SPOCK1: variants seen among roughly 807,000 people sequenced by gnomAD.
The protein encoded by SPOCK1 is SPARC (osteonectin), cwcv and kazal like domains proteoglycan 1, also known as testican-1.
In SPOCK1, 23 loss-of-function variants were observed where a neutral mutation model predicts 55.3. The ratio of observed to expected loss-of-function variants is 0.42; its 90% CI spans 0.30 to 0.59. SPOCK1 has a LOEUF of 0.59. SPOCK1 is among the 20% of genes least tolerant of loss of function. SPOCK1 has a pLI of 0.22. For missense variants in SPOCK1, 499 were observed against 552.5 expected (o/e 0.90, Z 0.97); for synonymous variants, 226 against 221.0 (o/e 1.02, Z -0.20).
intron 2 of SPOCK1, among the ~76,000 whole-genome samples, chr5:137,381,556 C>T (rs1751465758): frequency 6.6e-6 from 1 of 152,224 alleles, no homozygotes; most frequent in Admixed American, 6.5e-5. Flanking sequence ...TTGTCTTCTG[C>T]ACACCCACAA....
At chr5:137,165,555 T>C (rs947291606) in intron 3 of SPOCK1, among the ~76,000 whole-genome samples, 5 of 152,058 alleles carry the variant, frequency 3.3e-5, no homozygotes, top group African/African-American at 1.2e-4. Context: ...AACACGACCT[T>C]ACCAAATGAA....
intron 2 of SPOCK1, among the ~76,000 whole-genome samples, chr5:137,382,921 A>C (rs1012914548): frequency 1.3e-5 from 2 of 152,226 alleles, no homozygotes. Flanking sequence ...GGACTGGTTA[A>C]AATGATGAAA....
intron 9 of SPOCK1, among the ~76,000 whole-genome samples, chr5:136,980,095 T>C (rs1750700041): frequency 1.3e-5 from 2 of 151,552 alleles, no homozygotes; most frequent in South Asian, 2.1e-4. Context: ...TAATTAATAA[T>C]AGCTAAGTGC....
intron 3 of SPOCK1, among the ~76,000 whole-genome samples, chr5:137,260,343 C>T (rs1756722524): frequency 6.6e-6 from 1 of 152,014 alleles, no homozygotes; most frequent in Non-Finnish European, 1.5e-5. Flanking sequence ...TATATTAATA[C>T]AATAGAATAG....
chr5:136,990,146 G>A (rs13185170), intron 7 of SPOCK1, among the ~76,000 whole-genome samples: 19,000 of 152,074 alleles, frequency 0.12, 1,311 homozygotes, highest in African/African-American at 0.15. Flanking sequence ...TCCTGACCTC[G>A]TGATCCACCT....
At chr5:137,139,738 A>G (rs1754058496) in intron 4 of SPOCK1, among the ~76,000 whole-genome samples, 1 of 152,160 alleles carries the variant, frequency 6.6e-6, no homozygotes, top group Admixed American at 6.5e-5. Flanking sequence ...CAGCACAGGG[A>G]GAAGTGCAGA....
chr5:137,321,302 G>A lies in SPOCK1; in HGVS notation c.187-54247C>T, dbSNP rs969217145. Among the ~76,000 whole-genome samples the A allele has an allele frequency of 4.0e-5, 6 of 151,146 alleles. No individual in the cohort carries two copies. The South Asian group carries it at 1.3e-3, about 32-fold the overall frequency. On this transcript the variant is annotated intron_variant, in intron 2 of 10. Coordinates refer to ENST00000394945, the MANE Select transcript of SPOCK1 (RefSeq NM_004598.4). ...TCCAGAAGAAGGAAAGACAGACAAAGGGGCAGAAAGCTTGTATGAAATAAT... is the reference window on the plus strand; with the variant it reads ...TCCAGAAGAAGGAAAGACAGACAAAAGGGCAGAAAGCTTGTATGAAATAAT...
intron 2 of SPOCK1, among the ~76,000 whole-genome samples, chr5:137,369,123 G>T (rs939838635): frequency 6.6e-6 from 1 of 152,222 alleles, no homozygotes; most frequent in Non-Finnish European, 1.5e-5. Context: ...ATGTGGGAAA[G>T]AACAGCTTGA....
At chr5:137,031,629 G>A (rs937403151) in intron 6 of SPOCK1, among the ~76,000 whole-genome samples, 1 of 152,178 alleles carries the variant, frequency 6.6e-6, no homozygotes, top group Non-Finnish European at 1.5e-5. Context: ...TTGTTTCAAA[G>A]ATATTCCATT....
intron 2 of SPOCK1, among the ~76,000 whole-genome samples, chr5:137,417,974 G>A (rs1561530220): frequency 6.6e-6 from 1 of 151,848 alleles, no homozygotes; most frequent in East Asian, 1.9e-4. Context: ...CCTACAACAG[G>A]CCCTGGTGTG....
chr5:137,170,948 G>A (rs1475373247), intron 3 of SPOCK1, among the ~76,000 whole-genome samples: 1 of 152,120 alleles, frequency 6.6e-6, no homozygotes, highest in Non-Finnish European at 1.5e-5. Flanking sequence ...TGACTGCAAA[G>A]CCCTTATCCT....
intron 5 of SPOCK1, among the ~76,000 whole-genome samples, chr5:137,070,489 T>C (rs1396220896): frequency 6.6e-6 from 1 of 152,216 alleles, no homozygotes; most frequent in Non-Finnish European, 1.5e-5. Context: ...AATAAACAGC[T>C]GCTGAATGAC....
Position 136,988,421 on chromosome 5 carries a change from C to T in SPOCK1, c.928+1G>A. The T allele has an allele frequency of 6.2e-7, 1 of 1,613,040 alleles. No homozygotes were observed. Among genetic ancestry groups the T allele is most frequent in the Non-Finnish European group, 8.5e-7 (1 of 1,179,070 alleles). On this transcript the variant is annotated splice_donor_variant, in intron 8 of 10. Coordinates refer to ENST00000394945, the MANE Select transcript of SPOCK1 (RefSeq NM_004598.4). LOFTEE classifies it high-confidence loss of function. ...GACCCCAACCCTCCATCCCACCTTA[C>T]CTCCAGGCTTCTGGAAGCAGTAGCA...
At chr5:137,188,154 A>G (rs1212278985) in intron 3 of SPOCK1, among the ~76,000 whole-genome samples, 1 of 152,182 alleles carries the variant, frequency 6.6e-6, no homozygotes, top group Non-Finnish European at 1.5e-5. Flanking sequence ...AGCTCTTACT[A>G]TGCTATCCAA....
At position 137,112,538 on chromosome 5, in the gene SPOCK1, T is replaced by G. The variant is rs746022815; in HGVS notation, c.371A>C (p.Gln124Pro). The change falls in exon 5 of 11, where the codon CAG (glutamine) becomes CCG (proline). Residue 124 changes from glutamine (Q) to proline (P), a missense_variant. Gln to Pro is a moderately conservative substitution (Grantham distance 76, BLOSUM62 -1). This residue lies in a region of SPOCK1 where 386 missense variants were observed against 400.6 expected (regional missense o/e 0.96). Coordinates refer to ENST00000394945, the MANE Select transcript of SPOCK1 (RefSeq NM_004598.4). Reference protein sequence around the residue: ...LPRQKKGNVAQKHWVGPSNLV... With the variant: ...LPRQKKGNVAPKHWVGPSNLV... ...ATTCGAAGGTCCAACCCAGTGTTTC[T>G]GGGCCACGTTCCCCTTCTTTTGCCT... 18 of 1,613,650 alleles carry G rather than the reference T, an allele frequency of 1.1e-5. No individual in the cohort carries two copies. In the South Asian group the frequency reaches 1.8e-4, roughly 16 times the overall value.
chr5:137,200,575 A>T (rs1019930689), intron 3 of SPOCK1, among the ~76,000 whole-genome samples: 6 of 152,220 alleles, frequency 3.9e-5, no homozygotes, highest in Non-Finnish European at 7.3e-5. Flanking sequence ...ATAGGTAGGT[A>T]CTTACTATTC....
intron 6 of SPOCK1, among the ~76,000 whole-genome samples, chr5:137,006,415 C>T (rs187109883): frequency 1.3e-5 from 2 of 152,240 alleles, no homozygotes; most frequent in East Asian, 3.9e-4. Flanking sequence ...TGAAGAGATC[C>T]TTCACATCCC....
chr5:137,479,699 C>T (rs976727698), intron 2 of SPOCK1, among the ~76,000 whole-genome samples: 8 of 152,194 alleles, frequency 5.3e-5, no homozygotes, highest in African/African-American at 1.4e-4. Context: ...CCTGGGACAA[C>T]GCAGATCAGA....
intron 2 of SPOCK1, among the ~76,000 whole-genome samples, chr5:137,480,432 A>G (rs977562902): frequency 2.6e-5 from 4 of 152,158 alleles, no homozygotes; most frequent in Non-Finnish European, 5.9e-5. Flanking sequence ...ACCAACTGTG[A>G]TATACTAATC....
Sources: allele counts gnomAD v4.1 joint callset (sites outside exome capture counted in the v4.1 genomes callset), GRCh38; gene constraint gnomAD v4.1.1; regional missense constraint gnomAD v4.1.1; transcripts MANE v1.5; gene names NCBI Gene and HGNC (gene_info 2026-07-23, HGNC 2026-07-21).